The following NOSIP variants were observed in gnomAD, a reference collection of about 807,000 sequenced individuals.
NOSIP encodes nitric oxide synthase interacting protein.
NOSIP carries 25 observed loss-of-function variants against 36.4 expected under a neutral mutation model. The ratio of observed to expected loss-of-function variants is 0.69; its 90% CI spans 0.50 to 0.96. The LOEUF (loss-of-function observed/expected upper bound fraction) is 0.96. Ranked by LOEUF, NOSIP falls within the 40% of genes least tolerant of loss-of-function variation. NOSIP has a pLI of 0.00. For synonymous variants in NOSIP, 187 were observed against 179.2 expected, an observed-to-expected ratio of 1.04 and a Z score of -0.35; for missense variants, 370 against 429.0, an observed-to-expected ratio of 0.86 and a Z score of 1.21.
At chr19:49,564,246 A>T (rs1193761252) in intron 1 of NOSIP, among the ~76,000 whole-genome samples, 2 of 152,060 alleles carry the variant, frequency 1.3e-5, no homozygotes, top group African/African-American at 4.8e-5. Context: ...TGAGGTCAGG[A>T]GTTCAAGTCC....
Position 49,565,593 on chromosome 19 carries a change from T to A in NOSIP, c.-1-4901A>T, listed in dbSNP as rs187228088. Among the ~76,000 whole-genome samples, 1,458 of 151,214 alleles carry A rather than the reference T, an allele frequency of 9.6e-3. 12 individuals are homozygous for A. Among genetic ancestry groups the A allele is most frequent in the African/African-American group, 0.014 (597 of 41,214 alleles). Reference sequence around the variant, plus strand: ...TTGAGACCCCATCTCTACAAAAAAATATATATATATAAAAATTTGCTGGGT... The same window carrying A: ...TTGAGACCCCATCTCTACAAAAAAAAATATATATATAAAAATTTGCTGGGT... On this transcript the variant is annotated intron_variant, in intron 1 of 8. Coordinates refer to ENST00000596358, the MANE Select transcript of NOSIP (RefSeq NM_001270960.2).
At position 49,569,430 on chromosome 19, in the gene NOSIP, C is replaced by A. The variant is rs1189530172; in HGVS notation, c.-1-8738G>T. On this transcript the variant is annotated intron_variant, in intron 1 of 8. Transcript: ENST00000596358. ...AGCCAGGATGGTCTTGATCTCCTGA[C>A]CTCGTGATCTGCCCGCCTCGGCCTT... Among the ~76,000 whole-genome samples, 5 of 147,872 alleles carry A rather than the reference C, an allele frequency of 3.4e-5. No individual in the cohort carries two copies. The East Asian group carries it at 1.1e-3, about 31-fold the overall frequency.
In NOSIP at chr19:49,556,940, C is replaced by G; in HGVS notation, c.472G>C (p.Val158Leu). 6.2e-7 allele frequency: 1 copy of G among 1,613,214 alleles called. No homozygotes were observed. The highest frequency in any genetic ancestry group is 8.5e-7 in the Non-Finnish European group (1 of 1,179,582). Reference protein sequence around the residue: ...VGPPSKDKDKVLPSFWIPSLT... With the variant: ...VGPPSKDKDKLLPSFWIPSLT... ...GACGGGATCCAGAAGCTGGGCAGCACTTTGTCCTTGTCCTTACTTGGAGGA... is the reference window on the plus strand; with the variant it reads ...GACGGGATCCAGAAGCTGGGCAGCAGTTTGTCCTTGTCCTTACTTGGAGGA... The change falls in exon 6 of 9, where the codon GTG becomes CTG. Residue 158 changes from valine (V) to leucine (L), a missense_variant. Physicochemically the swap from Val to Leu is conservative, Grantham distance 32. Around this residue, in one of 3 missense-constraint regions of NOSIP, gnomAD observed 315 missense variants for 331.9 expected, o/e 0.95. Coordinates refer to ENST00000596358, the MANE Select transcript of NOSIP (RefSeq NM_001270960.2).
chr19:49,556,395 C>G lies in NOSIP; in HGVS notation c.756G>C (p.Glu252Asp), dbSNP rs142202252. 65 of 1,613,726 alleles carry G rather than the reference C, an allele frequency of 4.0e-5. No individual in the cohort carries two copies. The African/African-American group carries it at 8.1e-4, about 20-fold the overall frequency. The change falls in exon 8 of 9, where the codon GAG becomes GAC. Residue 252 changes from glutamate to aspartate, a missense_variant. Physicochemically the swap from Glu to Asp is conservative, Grantham distance 45. This residue lies in a region of NOSIP where 315 missense variants were observed against 331.9 expected (regional missense o/e 0.95). Transcript: ENST00000596358. ...SGAVVTLECVEKLIRKDMVDP... is the reference protein window; with the variant it reads ...SGAVVTLECVDKLIRKDMVDP... Reference sequence around the variant, plus strand: ...CCACCATGTCCTTCCGAATCAGCTTCTCCACGCATTCGAGGGTGACCACAG... The same window carrying G: ...CCACCATGTCCTTCCGAATCAGCTTGTCCACGCATTCGAGGGTGACCACAG...
Position 49,560,641 on chromosome 19 carries a change from G to A in NOSIP, c.51C>T (p.His17=), listed in dbSNP as rs1225477203. The change falls in exon 2 of 9, where the codon CAC becomes CAT. Residue 17 remains histidine, a synonymous_variant. Coordinates refer to ENST00000596358, the MANE Select transcript of NOSIP (RefSeq NM_001270960.2). This position sits in a 1 kb window ranked among gnomAD's most constrained non-coding sequence, Gnocchi z 4.6. ...CTGCACCTGTGTCCTTCTTCTTCTC[G>A]TGGTAGGTGTAGACGGCCCCTGCGG... ...NCTAGAVYTY[H]EKKKDTAASG... 14 of 1,595,480 alleles carry A rather than the reference G, an allele frequency of 8.8e-6. No homozygotes were observed. Among genetic ancestry groups the A allele is most frequent in the South Asian group, 1.1e-5 (1 of 87,776 alleles).
chr19:49,556,695 G>A lies in NOSIP; in HGVS notation c.579C>T (p.Arg193=). 4 of 1,610,522 alleles carry A rather than the reference G, an allele frequency of 2.5e-6. No homozygotes were observed. The highest frequency in any genetic ancestry group is 2.2e-5 in the East Asian group (1 of 44,742). ...VTCPMSGKPL[R]MSDLTPVHFT... ...AGTGCACGGGCGTCAGGTCCGACAT[G>A]CGCAGGGGCTTCCCTGACATGGGGC... Residue 193 remains arginine, a synonymous_variant, in exon 7 of 9, where the codon CGC becomes CGT. Transcript: ENST00000596358.
chr19:49,556,406 C>G lies in NOSIP; in HGVS notation c.745G>C (p.Glu249Gln). Reference sequence around the variant, plus strand: ...TTCCGAATCAGCTTCTCCACGCATTCGAGGGTGACCACAGCCCCACTACGG... The same window carrying G: ...TTCCGAATCAGCTTCTCCACGCATTGGAGGGTGACCACAGCCCCACTACGG... ...LRPSGAVVTLECVEKLIRKDM... is the reference protein window; with the variant it reads ...LRPSGAVVTLQCVEKLIRKDM... The change falls in exon 8 of 9, where the codon GAA (glutamate) becomes CAA (glutamine). Residue 249 changes from glutamate (E) to glutamine (Q), a missense_variant. Physicochemically the swap from Glu to Gln is conservative, Grantham distance 29. Around this residue, in one of 3 missense-constraint regions of NOSIP, gnomAD observed 315 missense variants for 331.9 expected, o/e 0.95. Coordinates refer to ENST00000596358, the MANE Select transcript of NOSIP (RefSeq NM_001270960.2). 6.2e-7 allele frequency: 1 copy of G among 1,613,674 alleles called. No individual in the cohort carries two copies. The highest frequency in any genetic ancestry group is 1.6e-4 in the Middle Eastern group (1 of 6,062).
Position 49,555,627 on chromosome 19 carries a change from T to C in NOSIP, c.*124A>G, listed in dbSNP as rs1332810252. ...CGCTCTTTCAAACTCCAGCGTGCGC[T>C]GTAGGAGCACTGTTTGCACGGCCCT... On this transcript the variant is annotated 3_prime_UTR_variant, in exon 9 of 9. Coordinates refer to ENST00000596358, the MANE Select transcript of NOSIP (RefSeq NM_001270960.2). The C allele has an allele frequency of 5.4e-6, 4 of 741,586 alleles. No individual in the cohort carries two copies. The highest frequency in any genetic ancestry group is 5.3e-5 in the East Asian group (2 of 37,658). 45.9% of individuals were successfully genotyped at this position (741,586 alleles called of 1,614,324 possible).
chr19:49,569,178 T>A (rs574528441), intron 1 of NOSIP, among the ~76,000 whole-genome samples: 23 of 148,888 alleles, frequency 1.5e-4, no homozygotes, highest in Admixed American at 2.7e-4. Flanking sequence ...GCACAGGAAA[T>A]CTACTGTGCA....
chr19:49,570,956 G>A (rs1428486783), intron 1 of NOSIP, among the ~76,000 whole-genome samples: 1 of 151,846 alleles, frequency 6.6e-6, no homozygotes, highest in Non-Finnish European at 1.5e-5. Context: ...ACCTATAGAG[G>A]GAGCATTTAA....
chr19:49,559,050 T>A, intron 3 of NOSIP, 72 bp from the exon 4 acceptor site: 1 of 1,237,354 alleles, frequency 8.1e-7, no homozygotes, highest in Non-Finnish European at 1.2e-6. Context: ...GTGCTGGGAT[T>A]ATAGGCAGAA....
In NOSIP at chr19:49,555,726, G is replaced by A; in HGVS notation, c.*25C>T. The A allele has an allele frequency of 3.1e-6, 5 of 1,605,264 alleles. No homozygotes were observed. The highest frequency in any genetic ancestry group is 1.3e-5 in the African/African-American group (1 of 74,872). On this transcript the variant is annotated 3_prime_UTR_variant, in exon 9 of 9. Coordinates refer to ENST00000596358, the MANE Select transcript of NOSIP (RefSeq NM_001270960.2). ...CGCCACGTCGTTGCGCACCCAAGCC[G>A]GTTTATTTGGTCTCCCGCACACACT...
chr19:49,579,719 A>G (rs925838585), intron 1 of NOSIP, among the ~76,000 whole-genome samples: 3 of 152,086 alleles, frequency 2.0e-5, no homozygotes, highest in Admixed American at 6.6e-5. Flanking sequence ...ATGTGTTGCA[A>G]TTTTGTCTTT....
In NOSIP at chr19:49,556,340, G is replaced by C; in HGVS notation, c.811C>G (p.Arg271Gly). Residue 271 changes from arginine (R) to glycine (G), a missense_variant, in exon 8 of 9, where the codon CGC (arginine) becomes GGC (glycine). Arg to Gly is a moderately radical substitution (Grantham distance 125). Coordinates refer to ENST00000596358, the MANE Select transcript of NOSIP (RefSeq NM_001270960.2). ...ACCCGCTGCAGCACGATGATGTCGC[G>C]GTCTGTGAGTTTGTCTCCAGTCACA... ...DPVTGDKLTD[R>G]DIIVLQRGGT... 6.2e-7 allele frequency: 1 copy of C among 1,613,038 alleles called. No individual in the cohort carries two copies. Among genetic ancestry groups the C allele is most frequent in the Non-Finnish European group, 8.5e-7 (1 of 1,179,540 alleles).
At chr19:49,567,765 G>A (rs977984543) in intron 1 of NOSIP, among the ~76,000 whole-genome samples, 3 of 152,064 alleles carry the variant, frequency 2.0e-5, no homozygotes, top group African/African-American at 7.2e-5. Flanking sequence ...TCTGCCTCCT[G>A]TGTTCAAGCG....
intron 1 of NOSIP, among the ~76,000 whole-genome samples, chr19:49,564,537 A>C (rs896994370): frequency 6.6e-6 from 1 of 151,790 alleles, no homozygotes; most frequent in African/African-American, 2.4e-5. Flanking sequence ...AATTAGACAG[A>C]GGGGTGCAGG....
At position 49,557,004 on chromosome 19, in the gene NOSIP, A is replaced by G. The variant is rs1214503988; in HGVS notation, c.419-11T>C. On this transcript the variant is annotated splice_polypyrimidine_tract_variant and intron_variant, in intron 5 of 8. Coordinates refer to ENST00000596358, the MANE Select transcript of NOSIP (RefSeq NM_001270960.2). ...CAGGTTGGACATCATCTGTGGGGGAAGGAAGGGACTCAGATGCCGCCCCCT... is the reference window on the plus strand; with the variant it reads ...CAGGTTGGACATCATCTGTGGGGGAGGGAAGGGACTCAGATGCCGCCCCCT... 2 of 1,602,032 alleles carry G rather than the reference A, an allele frequency of 1.2e-6. No individual in the cohort carries two copies. The highest frequency in any genetic ancestry group is 2.2e-5 in the South Asian group (2 of 89,744).
rs1315528202 is a variant in NOSIP at position 49,556,445 on chromosome 19, G to A, written c.726-20C>T. 6.2e-7 allele frequency: 1 copy of A among 1,611,102 alleles called. No individual in the cohort carries two copies. On this transcript the variant is annotated intron_variant, in intron 7 of 8. Coordinates refer to ENST00000596358, the MANE Select transcript of NOSIP (RefSeq NM_001270960.2). Reference sequence around the variant, plus strand: ...GCCCCACTACGGTGAGGCCGAAGGCGGGAGACTCTGATCAGGGGCCTTCCT... The same window carrying A: ...GCCCCACTACGGTGAGGCCGAAGGCAGGAGACTCTGATCAGGGGCCTTCCT...
intron 1 of NOSIP, among the ~76,000 whole-genome samples, chr19:49,575,610 C>A (rs1173911781): frequency 6.6e-6 from 1 of 152,070 alleles, no homozygotes; most frequent in Non-Finnish European, 1.5e-5. Context: ...GAGGATATAG[C>A]AGGGAATAAC....
Sources: allele counts gnomAD v4.1 joint callset (sites outside exome capture counted in the v4.1 genomes callset), GRCh38; gene constraint gnomAD v4.1.1; regional missense constraint gnomAD v4.1.1; non-coding constraint Gnocchi (gnomAD v3.1); transcripts MANE v1.5; gene names NCBI Gene and HGNC (gene_info 2026-07-23, HGNC 2026-07-21).